The following SOBP variants were observed in gnomAD, a reference collection of about 807,000 sequenced individuals.
SOBP encodes sine oculis-binding protein homolog.
SOBP carries 4 observed loss-of-function variants against 53.6 expected under a neutral mutation model. The observed-to-expected ratio is 0.07, with a 90% CI of 0.04 to 0.17. The LOEUF is 0.17. Ranked by LOEUF, SOBP falls within the 10% of genes least tolerant of loss-of-function variation. SOBP has a pLI of 1.00. For missense variants in SOBP, 1,088 were observed against 1,204.7 expected (o/e 0.90, Z 1.43); for synonymous variants, 584 against 522.6 (o/e 1.12, Z -1.60).
At chr6:107,523,327 C>T (rs1269134653) in intron 3 of SOBP, among the ~76,000 whole-genome samples, 2 of 152,154 alleles carry the variant, frequency 1.3e-5, no homozygotes, top group Admixed American at 6.5e-5. Context: ...CCAATCTTTG[C>T]TCTAAGAAAT....
intron 5 of SOBP, among the ~76,000 whole-genome samples, chr6:107,612,459 A>G (rs1786634333): frequency 6.6e-6 from 1 of 152,232 alleles, no homozygotes; most frequent in South Asian, 2.1e-4. Flanking sequence ...TTAGAGCAGC[A>G]GTTTCAAAAT....
At chr6:107,541,381 A>C (rs1223709771) in intron 4 of SOBP, among the ~76,000 whole-genome samples, 2 of 152,202 alleles carry the variant, frequency 1.3e-5, no homozygotes, top group Non-Finnish European at 2.9e-5. Context: ...ATCGTAGAAA[A>C]ACAAGTGCCT....
At chr6:107,628,145 T>A (rs1770543989) in intron 5 of SOBP, among the ~76,000 whole-genome samples, 1 of 152,238 alleles carries the variant, frequency 6.6e-6, no homozygotes, top group Non-Finnish European at 1.5e-5. Context: ...CGAAGAGGAA[T>A]GATTCATTTT....
chr6:107,639,848 G>C (rs1771230184), intron 6 of SOBP, among the ~76,000 whole-genome samples: 1 of 152,086 alleles, frequency 6.6e-6, no homozygotes, highest in African/African-American at 2.4e-5. Flanking sequence ...ATAATCAATG[G>C]AAAAAATGTG....
intron 5 of SOBP, among the ~76,000 whole-genome samples, chr6:107,622,819 T>C (rs1770239087): frequency 6.6e-6 from 1 of 152,214 alleles, no homozygotes; most frequent in African/African-American, 2.4e-5. Flanking sequence ...ATATTTAGTA[T>C]AAAATATGGA....
intron 3 of SOBP, among the ~76,000 whole-genome samples, chr6:107,533,134 T>C (rs935824010): frequency 9.9e-5 from 15 of 150,976 alleles, no homozygotes; most frequent in African/African-American, 3.6e-4. Context: ...GCTTCGTTAG[T>C]GCTGGGGCTG....
At chr6:107,567,229 C>T (rs988325297) in intron 4 of SOBP, among the ~76,000 whole-genome samples, 9 of 152,280 alleles carry the variant, frequency 5.9e-5, no homozygotes, top group Middle Eastern at 3.4e-3. Context: ...ATTGGGAAGA[C>T]GGACACATTT....
At chr6:107,500,656 G>A (rs1782815944) in intron 1 of SOBP, among the ~76,000 whole-genome samples, 1 of 151,634 alleles carries the variant, frequency 6.6e-6, no homozygotes, top group Non-Finnish European at 1.5e-5. Flanking sequence ...CAAGTAGCTG[G>A]GACTACAGGC....
At chr6:107,518,750 G>GT (rs11390425) in intron 3 of SOBP, among the ~76,000 whole-genome samples, 37,732 of 111,456 alleles carry the variant, frequency 0.34, 5,851 homozygotes, top group African/African-American at 0.43. Context: ...AGGAAAGGCT[G>GT]TTTTTTTTTT....
At position 107,634,901 on chromosome 6, in the gene SOBP, A is replaced by G. The variant is rs1043687409; in HGVS notation, c.2057A>G (p.Glu686Gly). The change falls in exon 6 of 7, where the codon GAG becomes GGG. Residue 686 changes from glutamate (E) to glycine (G), a missense_variant. This residue lies in a region of SOBP where 665 missense variants were observed against 629.7 expected (regional missense o/e 1.06). Transcript: ENST00000317357. This position sits in a 1 kb window ranked among gnomAD's most constrained non-coding sequence, Gnocchi z 4.5. ...GCGGAGCGCGAGCCGAGCGCCGCGG[A>G]GCGCAGGACCTGCGGCGGCTGCAGG... ...VKAEREPSAA[E>G]RRTCGGCRDG... The G allele has an allele frequency of 2.3e-5, 29 of 1,286,030 alleles. 1 individual carries two copies. Among genetic ancestry groups the G allele is most frequent in the Non-Finnish European group, 2.6e-5 (26 of 1,006,804 alleles). 79.7% of individuals were successfully genotyped at this position (1,286,030 alleles called of 1,614,324 possible).
intron 3 of SOBP, among the ~76,000 whole-genome samples, chr6:107,522,211 G>A (rs1583169755): frequency 6.6e-6 from 1 of 152,154 alleles, no homozygotes; most frequent in East Asian, 1.9e-4. Context: ...TGTGAGGCTG[G>A]CCTGGTCTTA....
chr6:107,598,972 G>A (rs1457151041), intron 5 of SOBP, among the ~76,000 whole-genome samples: 1 of 152,192 alleles, frequency 6.6e-6, no homozygotes, highest in Non-Finnish European at 1.5e-5. Flanking sequence ...AAAAATATTT[G>A]TGATCCAGAG....
intron 5 of SOBP, among the ~76,000 whole-genome samples, chr6:107,596,149 C>G (rs1785939816): frequency 6.6e-6 from 1 of 152,178 alleles, no homozygotes; most frequent in African/African-American, 2.4e-5. Flanking sequence ...CCCTGAGAAC[C>G]ATGCTTAGCT....
intron 4 of SOBP, among the ~76,000 whole-genome samples, chr6:107,583,136 G>A (rs1207595462): frequency 6.6e-6 from 1 of 152,200 alleles, no homozygotes; most frequent in African/African-American, 2.4e-5. Flanking sequence ...TGATTCTCTA[G>A]GGTAAGGAAG....
At chr6:107,592,717 A>G (rs543040189) in intron 5 of SOBP, among the ~76,000 whole-genome samples, 15 of 152,330 alleles carry the variant, frequency 9.8e-5, no homozygotes, top group African/African-American at 3.4e-4. Context: ...TAGCCCCACA[A>G]GTGTAAAATA....
At chr6:107,514,324 T>C (rs912813216) in intron 3 of SOBP, 2 of 152,138 alleles carry the variant, frequency 1.3e-5, no homozygotes, top group Non-Finnish European at 2.9e-5. Context: ...AAAAAGTCTA[T>C]AGGCAGATAA....
At chr6:107,584,262 A>C (rs1031919931) in intron 4 of SOBP, among the ~76,000 whole-genome samples, 5 of 151,902 alleles carry the variant, frequency 3.3e-5, no homozygotes, top group African/African-American at 1.2e-4. Flanking sequence ...TTAAAAAAAA[A>C]AAAAAAAAAC....
rs548687069 is a variant in SOBP at position 107,660,961 on chromosome 6, G to A, written c.*2758G>A. ...CCTGGTGCAGAGTTATATTTATGGC[G>A]GTGACTCCGTCTGAACTCTGCCGAG... On this transcript the variant is annotated 3_prime_UTR_variant, in exon 7 of 7. Transcript: ENST00000317357. Among the ~76,000 whole-genome samples the A allele has an allele frequency of 3.9e-5, 6 of 152,286 alleles. No individual in the cohort carries two copies. The highest frequency in any genetic ancestry group is 6.5e-5 in the Admixed American group (1 of 15,292).
At chr6:107,619,240 A>C (rs540959474) in intron 5 of SOBP, among the ~76,000 whole-genome samples, 17 of 152,322 alleles carry the variant, frequency 1.1e-4, no homozygotes, top group Admixed American at 3.9e-4. Context: ...AAACATGATA[A>C]GGCTTAGGTT....
Sources: gnomAD v4.1 joint callset for allele counts (sites outside exome capture counted in the v4.1 genomes callset) on GRCh38, gnomAD v4.1.1 for gene constraint, gnomAD v4.1.1 regional missense constraint, Gnocchi (gnomAD v3.1) non-coding constraint, MANE v1.5 for transcripts, NCBI Gene and HGNC (gene_info 2026-07-23, HGNC 2026-07-21) for gene names.